KIRREL3: variants seen among roughly 807,000 people sequenced by gnomAD.
The protein encoded by KIRREL3 is kirre like nephrin family adhesion molecule 3, also known as kin of IRRE-like protein 3.
In KIRREL3, 36 loss-of-function variants were observed where a neutral mutation model predicts 89.7. The ratio of observed to expected loss-of-function variants is 0.40; its 90% CI spans 0.31 to 0.53. KIRREL3 has a LOEUF of 0.53. Among genes scored for constraint, KIRREL3 ranks in the 20% least tolerant of loss-of-function variants. The probability of loss-of-function intolerance (pLI) is 0.49; values close to 1 mark genes in which losing one functional copy is unlikely to be tolerated. For missense variants in KIRREL3, 864 were observed against 1,056.6 expected (o/e 0.82, Z 2.53); for synonymous variants, 445 against 441.4 (o/e 1.01, Z -0.10).
At chr11:126,534,358 C>T (rs565049692) in intron 2 of KIRREL3, among the ~76,000 whole-genome samples, 10 of 152,318 alleles carry the variant, frequency 6.6e-5, no homozygotes, top group South Asian at 2.1e-4. Context: ...AAAAAGGCTG[C>T]GTGTGCATGA....
intron 1 of KIRREL3, among the ~76,000 whole-genome samples, chr11:126,915,795 A>G (rs1479885645): frequency 2.0e-5 from 3 of 152,198 alleles, no homozygotes; most frequent in Non-Finnish European, 2.9e-5. Context: ...ACATAAAGTG[A>G]TCTTACCTTT....
chr11:126,997,695 A>G lies in KIRREL3; in HGVS notation c.55+2760T>C, dbSNP rs1950215263. On this transcript the variant is annotated intron_variant, in intron 1 of 16. Coordinates refer to ENST00000525144, the MANE Select transcript of KIRREL3 (RefSeq NM_032531.4). The surrounding 1 kb of genome is among the most constrained non-coding windows in gnomAD (Gnocchi z 4.3). ...TGGCTGGAACGGACTTTAAGAGTTT[A>G]TTTGTATCTTGAGAGCACTGCTTGG... Among the ~76,000 whole-genome samples, 2 of 152,186 alleles carry G rather than the reference A, an allele frequency of 1.3e-5. No individual in the cohort carries two copies. Among genetic ancestry groups the G allele is most frequent in the African/African-American group, 4.8e-5 (2 of 41,444 alleles).
chr11:126,937,877 C>A (rs539069887), intron 1 of KIRREL3, among the ~76,000 whole-genome samples: 3 of 152,064 alleles, frequency 2.0e-5, no homozygotes, highest in Non-Finnish European at 2.9e-5. Flanking sequence ...CCAGCCTGGG[C>A]GACAGAGCGA....
intron 1 of KIRREL3, chr11:126,936,163 G>A (rs1027210455): frequency 2.0e-4 from 31 of 152,100 alleles, no homozygotes; most frequent in Admixed American, 1.8e-3. Flanking sequence ...ATTAATCACT[G>A]GGGAAATACA....
intron 1 of KIRREL3, among the ~76,000 whole-genome samples, chr11:126,583,534 T>C (rs1413376996): frequency 2.6e-5 from 4 of 151,840 alleles, no homozygotes; most frequent in African/African-American, 9.7e-5. Flanking sequence ...TACGAAGGAG[T>C]CTAGCATGAG....
Position 126,455,805 on chromosome 11 carries a change from C to G in KIRREL3, c.848+544G>C, listed in dbSNP as rs1229035363. On this transcript the variant is annotated intron_variant, in intron 7 of 16. Transcript: ENST00000525144. The surrounding 1 kb of genome is among the most constrained non-coding windows in gnomAD (Gnocchi z 6.4). ...GAGCGAGACTCTGTCTCAAAACAAACAAAGAAACAAACAAACAAACAAACC... is the reference window on the plus strand; with the variant it reads ...GAGCGAGACTCTGTCTCAAAACAAAGAAAGAAACAAACAAACAAACAAACC... 6.6e-6 allele frequency among the ~76,000 whole-genome samples: 1 copy of G among 151,728 alleles called. No individual in the cohort carries two copies. Among genetic ancestry groups the G allele is most frequent in the Non-Finnish European group, 1.5e-5 (1 of 67,974 alleles).
chr11:126,475,674 C>T lies in KIRREL3; in HGVS notation c.434-2208G>A, dbSNP rs370113738. ...GCATGAATGGGATGGATGGAGAAGA[C>T]GACCCCCCAGCCGCCCACCCCACAC... On this transcript the variant is annotated intron_variant, in intron 4 of 16. Transcript: ENST00000525144. The surrounding 1 kb of genome is among the most constrained non-coding windows in gnomAD (Gnocchi z 7.5). Among the ~76,000 whole-genome samples, 1 of 152,146 alleles carries T rather than the reference C, an allele frequency of 6.6e-6. No individual in the cohort carries two copies. The highest frequency in any genetic ancestry group is 2.1e-4 in the South Asian group (1 of 4,826).
intron 1 of KIRREL3, among the ~76,000 whole-genome samples, chr11:126,602,885 C>G (rs1942723726): frequency 6.6e-6 from 1 of 152,174 alleles, no homozygotes. Flanking sequence ...AGGGTCAGCT[C>G]AGGAAAGCAC....
chr11:126,602,690 G>A (rs1164835985), intron 1 of KIRREL3, among the ~76,000 whole-genome samples: 2 of 152,154 alleles, frequency 1.3e-5, no homozygotes, highest in Admixed American at 6.5e-5. Flanking sequence ...CTGTGGATCC[G>A]CATCACCTGG....
intron 1 of KIRREL3, among the ~76,000 whole-genome samples, chr11:126,589,420 G>A (rs1454564145): frequency 5.3e-5 from 8 of 152,176 alleles, no homozygotes; most frequent in African/African-American, 1.2e-4. Context: ...TGTGGCAGCC[G>A]CCCTCCGCCC....
Position 126,664,975 on chromosome 11 carries a change from A to C in KIRREL3, c.56-102063T>G, listed in dbSNP as rs1945589911. On this transcript the variant is annotated intron_variant, in intron 1 of 16. Transcript: ENST00000525144. The surrounding 1 kb of genome is among the most constrained non-coding windows in gnomAD (Gnocchi z 5.4). ...CCTTCGACACATTATTCATAACATGATGATTATTTTGGAGTGCGTTCTTTT... is the reference window on the plus strand; with the variant it reads ...CCTTCGACACATTATTCATAACATGCTGATTATTTTGGAGTGCGTTCTTTT... 6.6e-6 allele frequency among the ~76,000 whole-genome samples: 1 copy of C among 152,184 alleles called. No individual in the cohort carries two copies. The highest frequency in any genetic ancestry group is 1.5e-5 in the Non-Finnish European group (1 of 68,044).
chr11:126,538,622 G>A (rs1938107340), intron 2 of KIRREL3, among the ~76,000 whole-genome samples: 1 of 152,162 alleles, frequency 6.6e-6, no homozygotes, highest in Admixed American at 6.5e-5. Context: ...GAACAGGATT[G>A]GGGGTGATAG....
At chr11:126,864,356 C>G (rs909585709) in intron 1 of KIRREL3, among the ~76,000 whole-genome samples, 9 of 152,148 alleles carry the variant, frequency 5.9e-5, no homozygotes, top group Admixed American at 3.3e-4. Context: ...ATCTCCGCTC[C>G]TTTTTCCTCC....
Position 126,471,920 on chromosome 11 carries a change from C to T in KIRREL3, c.591+1389G>A, listed in dbSNP as rs1462605235. Among the ~76,000 whole-genome samples the T allele has an allele frequency of 6.6e-6, 1 of 152,118 alleles. No homozygotes were observed. The highest frequency in any genetic ancestry group is 1.5e-5 in the Non-Finnish European group (1 of 68,022). ...CTTGGTATCGTGTGTGAATTAGAGACCAGAACCCCTGTTGGTAGACACAGC... is the reference window on the plus strand; with the variant it reads ...CTTGGTATCGTGTGTGAATTAGAGATCAGAACCCCTGTTGGTAGACACAGC... On this transcript the variant is annotated intron_variant, in intron 5 of 16. Coordinates refer to ENST00000525144, the MANE Select transcript of KIRREL3 (RefSeq NM_032531.4). This position sits in a 1 kb window ranked among gnomAD's most constrained non-coding sequence, Gnocchi z 5.4.
intron 15 of KIRREL3, among the ~76,000 whole-genome samples, chr11:126,426,111 A>G (rs1255808217): frequency 1.3e-5 from 2 of 152,260 alleles, no homozygotes; most frequent in African/African-American, 2.4e-5. Context: ...ATTAACGTAC[A>G]TTAAGATACA....
rs1945279352 is a variant in KIRREL3, at chr11:126,876,225, G to C, written c.55+124230C>G. ...ATAAGCATTGGCAAGTTCTTTTCAT[G>C]GACCAAGATTTGCTGCGGCTGACCT... On this transcript the variant is annotated intron_variant, in intron 1 of 16. Coordinates refer to ENST00000525144, the MANE Select transcript of KIRREL3 (RefSeq NM_032531.4). The surrounding 1 kb of genome is among the most constrained non-coding windows in gnomAD (Gnocchi z 4.1). Among the ~76,000 whole-genome samples the C allele has an allele frequency of 6.6e-6, 1 of 152,202 alleles. No homozygotes were observed.
At chr11:126,509,614 G>A (rs1011855635) in intron 4 of KIRREL3, among the ~76,000 whole-genome samples, 1 of 152,220 alleles carries the variant, frequency 6.6e-6, no homozygotes, top group Admixed American at 6.5e-5. Context: ...GAATGGTAAA[G>A]TTTTGAATTA....
rs187000830 is a variant in KIRREL3 at position 126,647,512 on chromosome 11, C to T, written c.56-84600G>A. Among the ~76,000 whole-genome samples, 19 of 152,304 alleles carry T rather than the reference C, an allele frequency of 1.2e-4. No individual in the cohort carries two copies. The highest frequency in any genetic ancestry group is 3.9e-4 in the African/African-American group (16 of 41,550). On this transcript the variant is annotated intron_variant, in intron 1 of 16. Coordinates refer to ENST00000525144, the MANE Select transcript of KIRREL3 (RefSeq NM_032531.4). The surrounding 1 kb of genome is among the most constrained non-coding windows in gnomAD (Gnocchi z 4.9). ...ACGTTTACTCCTTTCATTCAGCAAA[C>T]GTTTATCAGGCACCTTTTAGTGTAA... is the stretch of plus-strand genomic sequence containing the variant.
At chr11:126,457,191 G>GTGTGTGTGTGTGTGTGTGTA (rs1555111642) in intron 6 of KIRREL3, among the ~76,000 whole-genome samples, 1 of 150,072 alleles carries the variant, frequency 6.7e-6, no homozygotes, top group South Asian at 2.2e-4. Flanking sequence ...GATTATGTGT[G>GTGTGTGTGTGTGTGTGTGTA]TGTGTGTGTG....
Sources: gnomAD v4.1 joint callset for allele counts (sites outside exome capture counted in the v4.1 genomes callset) on GRCh38, gnomAD v4.1.1 for gene constraint, Gnocchi (gnomAD v3.1) non-coding constraint, MANE v1.5 for transcripts, NCBI Gene and HGNC (gene_info 2026-07-23, HGNC 2026-07-21) for gene names.